NPSR1: variants seen among roughly 807,000 people sequenced by gnomAD.
NPSR1 encodes the protein neuropeptide S receptor.
A neutral mutation model predicts 46.9 loss-of-function variants in NPSR1; 48 were observed. That is an observed-to-expected ratio of 1.02 (90% CI 0.81 to 1.30). NPSR1 has a LOEUF of 1.30. NPSR1 is among the 50% of genes most tolerant of loss of function. NPSR1 has a pLI of 0.00. For missense variants in NPSR1, 450 were observed against 449.5 expected (o/e 1.00, Z -0.01); for synonymous variants, 176 against 168.1 (o/e 1.05, Z -0.36).
intron 3 of NPSR1, among the ~76,000 whole-genome samples, chr7:34,789,763 A>AAAAAAG (rs1787640177): frequency 6.7e-6 from 1 of 150,002 alleles, no homozygotes; most frequent in Non-Finnish European, 1.5e-5. Context: ...AAAAAAAAAA[A>AAAAAAG]ATAGATAACC....
intron 4 of NPSR1, among the ~76,000 whole-genome samples, chr7:34,826,336 T>A (rs184441286): frequency 9.2e-5 from 14 of 152,194 alleles, no homozygotes; most frequent in African/African-American, 3.4e-4. Context: ...ATATTTTGGG[T>A]TTGGATTTTA....
chr7:34,754,196 G>A (rs1233253509), intron 2 of NPSR1, among the ~76,000 whole-genome samples: 1 of 151,960 alleles, frequency 6.6e-6, no homozygotes, highest in African/African-American at 2.4e-5. Flanking sequence ...CACAGGACTA[G>A]GTTTATCAAA....
intron 2 of NPSR1, among the ~76,000 whole-genome samples, chr7:34,742,159 T>C (rs1784970537): frequency 1.3e-5 from 2 of 149,144 alleles, no homozygotes; most frequent in Admixed American, 6.8e-5. Context: ...TGCTATTCTC[T>C]CAATCTCTCT....
chr7:34,705,541 T>C (rs993710639), intron 2 of NPSR1, among the ~76,000 whole-genome samples: 10 of 152,170 alleles, frequency 6.6e-5, no homozygotes, highest in Non-Finnish European at 1.0e-4. Flanking sequence ...GTTTATTATT[T>C]GGTTCCTAAA....
At chr7:34,849,542 T>G (rs372427706) in intron 8 of NPSR1, 23 bp from the exon 9 acceptor site, 7 of 1,613,602 alleles carry the variant, frequency 4.3e-6, no homozygotes, top group Non-Finnish European at 5.1e-6. Flanking sequence ...TTTCCCTCCC[T>G]GCTTTATTTT....
intron 7 of NPSR1, 32 bp downstream of exon 7, chr7:34,845,014 G>C: frequency 6.7e-7 from 1 of 1,495,312 alleles, no homozygotes; most frequent in Non-Finnish European, 9.3e-7. Flanking sequence ...GCTGTAAAGT[G>C]GTATGAACGT....
At chr7:34,720,618 G>A (rs1007419222) in intron 2 of NPSR1, among the ~76,000 whole-genome samples, 2 of 152,046 alleles carry the variant, frequency 1.3e-5, no homozygotes, top group African/African-American at 4.8e-5. Context: ...TGGGGGATGG[G>A]GAGTGAGTGT....
chr7:34,751,703 G>A (rs1460749401), intron 2 of NPSR1: 1 of 1,587,086 alleles, frequency 6.3e-7, no homozygotes, highest in Non-Finnish European at 8.7e-7. Flanking sequence ...AAAGTGGGGA[G>A]CATTGTGGGA....
At chr7:34,854,674 T>C (rs188032414), downstream of NPSR1, among the ~76,000 whole-genome samples, 5 of 152,334 alleles carry the variant, frequency 3.3e-5, no homozygotes, top group East Asian at 9.6e-4. Flanking sequence ...TTTTAAAAGT[T>C]GTCAGAACTA....
chr7:34,814,694 G>A (rs745870640), intron 4 of NPSR1, among the ~76,000 whole-genome samples: 1 of 152,232 alleles, frequency 6.6e-6, no homozygotes, highest in Non-Finnish European at 1.5e-5. Context: ...AAAGCTTCCA[G>A]AGGAAGGATC....
chr7:34,780,854 C>A (rs1220975582), intron 3 of NPSR1, among the ~76,000 whole-genome samples: 1 of 152,070 alleles, frequency 6.6e-6, no homozygotes, highest in Non-Finnish European at 1.5e-5. Flanking sequence ...CAGAACTCAC[C>A]CACTGTGAAA....
chr7:34,754,161 C>A (rs1413743837), intron 2 of NPSR1, among the ~76,000 whole-genome samples: 2 of 152,100 alleles, frequency 1.3e-5, no homozygotes, highest in Non-Finnish European at 2.9e-5. Flanking sequence ...GTCTACACCC[C>A]CTTTGTAGTA....
chr7:34,701,792 A>G (rs1481407632), intron 2 of NPSR1, among the ~76,000 whole-genome samples: 1 of 152,238 alleles, frequency 6.6e-6, no homozygotes, highest in Non-Finnish European at 1.5e-5. Flanking sequence ...AAGGCAATAC[A>G]GATGTTTTTA....
intron 2 of NPSR1, among the ~76,000 whole-genome samples, chr7:34,728,519 T>C (rs1285137015): frequency 6.6e-6 from 1 of 152,202 alleles, no homozygotes; most frequent in African/African-American, 2.4e-5. Context: ...CCTTAATCTT[T>C]AAAAATAACT....
chr7:34,838,523 C>T (rs1011334196), intron 6 of NPSR1, among the ~76,000 whole-genome samples: 1 of 152,090 alleles, frequency 6.6e-6, no homozygotes, highest in Non-Finnish European at 1.5e-5. Context: ...GCAGGTAAAT[C>T]GGATCTCCAG....
intron 2 of NPSR1, chr7:34,685,887 CT>C (rs1426850594): frequency 1.8e-5 from 4 of 226,556 alleles, no homozygotes; most frequent in African/African-American, 9.5e-5. Flanking sequence ...TTTCTTCAAT[CT>C]TTCCTACCAA....
chr7:34,669,552 G>A (rs554517283), intron 1 of NPSR1, among the ~76,000 whole-genome samples: 2 of 150,064 alleles, frequency 1.3e-5, no homozygotes, highest in Non-Finnish European at 2.9e-5. Flanking sequence ...CTGGGCGACA[G>A]AGCGAGACTC....
chr7:34,684,200 TATC>T (rs1230933528), intron 1 of NPSR1, among the ~76,000 whole-genome samples: 1 of 152,228 alleles, frequency 6.6e-6, no homozygotes, highest in Non-Finnish European at 1.5e-5. Flanking sequence ...GCTACCCTAT[TATC>T]TTTAAACAAT....
At chr7:34,851,776 T>C (rs1003131167), downstream of NPSR1, among the ~76,000 whole-genome samples, 2 of 151,838 alleles carry the variant, frequency 1.3e-5, no homozygotes, top group African/African-American at 4.8e-5. Context: ...AAGGAGAGAG[T>C]GGAGTGAGGG....
Sources: allele counts gnomAD v4.1 joint callset (sites outside exome capture counted in the v4.1 genomes callset), GRCh38; gene constraint gnomAD v4.1.1; transcripts MANE v1.5; gene names NCBI Gene and HGNC (gene_info 2026-07-23, HGNC 2026-07-21).